MARCHF11: variants seen among roughly 807,000 people sequenced by gnomAD.
MARCHF11 encodes the protein E3 ubiquitin-protein ligase MARCHF11.
In MARCHF11, 29 loss-of-function variants were observed where a neutral mutation model predicts 37.3. The observed-to-expected ratio is 0.78, with a 90% confidence interval of 0.58 to 1.06. The LOEUF is 1.06. Ranked by LOEUF, MARCHF11 falls within the 50% of genes least tolerant of loss-of-function variation. The pLI is 0.00. For synonymous variants in MARCHF11, 233 were observed against 228.0 expected (o/e 1.02, Z -0.20); for missense variants, 482 against 533.4 (o/e 0.90, Z 0.95).
At chr5:16,137,136 C>T (rs1737622208) in intron 2 of MARCHF11, among the ~76,000 whole-genome samples, 1 of 152,062 alleles carries the variant, frequency 6.6e-6, no homozygotes, top group African/African-American at 2.4e-5. Context: ...AAGAAAAAGG[C>T]CCGTAGATTG....
intron 2 of MARCHF11, among the ~76,000 whole-genome samples, chr5:16,111,065 C>T (rs931173324): frequency 7.9e-5 from 12 of 152,164 alleles, no homozygotes; most frequent in Admixed American, 2.0e-4. Flanking sequence ...TGATTGGAAC[C>T]GTGAGTCCAT....
At chr5:16,090,099 C>T (rs1736767350) in intron 3 of MARCHF11, among the ~76,000 whole-genome samples, 1 of 152,162 alleles carries the variant, frequency 6.6e-6, no homozygotes, top group Non-Finnish European at 1.5e-5. Context: ...ATTTCTGCCA[C>T]ATCAGAGCAG....
At chr5:16,153,664 G>A (rs2218211) in intron 2 of MARCHF11, among the ~76,000 whole-genome samples, 4,928 of 152,062 alleles carry the variant, frequency 0.032, 288 homozygotes, top group African/African-American at 0.11. Context: ...TTACAGCAGA[G>A]AATGCTAATT....
chr5:16,125,663 G>A (rs1383123784), intron 2 of MARCHF11, among the ~76,000 whole-genome samples: 2 of 116,920 alleles, frequency 1.7e-5, no homozygotes, highest in African/African-American at 7.4e-5. Context: ...GTGTGTGTGT[G>A]TGTGTGTTCA....
intron 2 of MARCHF11, among the ~76,000 whole-genome samples, chr5:16,091,646 C>T (rs1417584693): frequency 6.6e-6 from 1 of 152,156 alleles, no homozygotes; most frequent in Non-Finnish European, 1.5e-5. Flanking sequence ...ATTCCATATA[C>T]TCAGATATTA....
intron 2 of MARCHF11, among the ~76,000 whole-genome samples, chr5:16,112,869 C>T (rs1471152388): frequency 1.3e-5 from 2 of 152,120 alleles, no homozygotes; most frequent in Non-Finnish European, 2.9e-5. Context: ...GTGATAGTGA[C>T]TAAGTCTCAT....
At chr5:16,160,980 T>C (rs926966598) in intron 2 of MARCHF11, among the ~76,000 whole-genome samples, 1 of 151,980 alleles carries the variant, frequency 6.6e-6, no homozygotes, top group African/African-American at 2.4e-5. Flanking sequence ...TACCAACACT[T>C]AGGATGCTTG....
intron 3 of MARCHF11, among the ~76,000 whole-genome samples, chr5:16,078,833 T>G (rs1736561554): frequency 6.6e-6 from 1 of 152,174 alleles, no homozygotes; most frequent in South Asian, 2.1e-4. Flanking sequence ...ATTTGGCCTC[T>G]TACATAAGCT....
intron 2 of MARCHF11, among the ~76,000 whole-genome samples, chr5:16,168,392 G>A (rs1440307376): frequency 1.3e-5 from 2 of 152,060 alleles, no homozygotes; most frequent in Non-Finnish European, 2.9e-5. Context: ...ACAGTTAGTT[G>A]TAATCTTGTT....
intron 2 of MARCHF11, among the ~76,000 whole-genome samples, chr5:16,136,962 TACA>T (rs560983950): frequency 3.9e-5 from 6 of 152,088 alleles, no homozygotes; most frequent in Non-Finnish European, 7.4e-5. Context: ...CTAAAAGAGT[TACA>T]ACATTACATG....
intron 2 of MARCHF11, among the ~76,000 whole-genome samples, chr5:16,106,808 C>A (rs1411170026): frequency 2.0e-5 from 3 of 152,158 alleles, no homozygotes; most frequent in African/African-American, 7.2e-5. Flanking sequence ...ACCCTTCTGA[C>A]CCAAACTGTC....
At chr5:16,119,281 G>T in intron 2 of MARCHF11, among the ~76,000 whole-genome samples, 1 of 151,858 alleles carries the variant, frequency 6.6e-6, no homozygotes, top group African/African-American at 2.4e-5. Flanking sequence ...GAGAGCACTT[G>T]AACCCAGGAG....
intron 2 of MARCHF11, among the ~76,000 whole-genome samples, chr5:16,162,057 A>G (rs1391975934): frequency 2.6e-5 from 4 of 152,178 alleles, no homozygotes; most frequent in Non-Finnish European, 5.9e-5. Flanking sequence ...GACGCAATTT[A>G]TCATATAGAG....
At chr5:16,148,639 A>C (rs942229187) in intron 2 of MARCHF11, among the ~76,000 whole-genome samples, 5 of 152,204 alleles carry the variant, frequency 3.3e-5, no homozygotes, top group African/African-American at 1.2e-4. Context: ...CTAGTGCAAA[A>C]GCAGACATAC....
intron 2 of MARCHF11, among the ~76,000 whole-genome samples, chr5:16,093,677 T>C (rs570680345): frequency 6.6e-6 from 1 of 152,322 alleles, no homozygotes; most frequent in African/African-American, 2.4e-5. Flanking sequence ...CACGCTTGTT[T>C]TGGTGACAGC....
At chr5:16,105,690 T>C (rs562851385) in intron 2 of MARCHF11, among the ~76,000 whole-genome samples, 73 of 152,268 alleles carry the variant, frequency 4.8e-4, no homozygotes, top group African/African-American at 1.7e-3. Context: ...ACATGGACTC[T>C]GGGGTTTTGA....
At chr5:16,096,530 G>A (rs1736871658) in intron 2 of MARCHF11, among the ~76,000 whole-genome samples, 1 of 152,180 alleles carries the variant, frequency 6.6e-6, no homozygotes, top group South Asian at 2.1e-4. Context: ...GAGGTTCCGT[G>A]TTAGTGGAGT....
Position 16,104,984 on chromosome 5 carries a change from C to T in MARCHF11, c.694-13903G>A, listed in dbSNP as rs189085587. Among the ~76,000 whole-genome samples the T allele has an allele frequency of 2.9e-3, 449 of 152,352 alleles. 6 individuals carry two copies. Among genetic ancestry groups the T allele is most frequent in the African/African-American group, 9.8e-3 (406 of 41,574 alleles). On this transcript the variant is annotated intron_variant, in intron 2 of 3. Coordinates refer to ENST00000332432, the MANE Select transcript of MARCHF11 (RefSeq NM_001102562.3). ...TGCCTGGGCACATAGTGGGTGTTCA[C>T]ATAGCTGTAACTTTTCTTCAAAGGT...
chr5:16,158,631 A>C, intron 2 of MARCHF11, among the ~76,000 whole-genome samples: 1 of 152,026 alleles, frequency 6.6e-6, no homozygotes. Flanking sequence ...AGGGTTAGAC[A>C]GAAGAAATAA....
Sources: gnomAD v4.1 joint callset for allele counts (sites outside exome capture counted in the v4.1 genomes callset) on GRCh38, gnomAD v4.1.1 for gene constraint, MANE v1.5 for transcripts, NCBI Gene and HGNC (gene_info 2026-07-23, HGNC 2026-07-21) for gene names.